Variants in RIMBP2 observed in about 807,000 individuals in gnomAD.
RIMBP2 encodes RIMS binding protein 2.
Under a neutral mutation model 118.6 loss-of-function variants are expected in RIMBP2, and 48 were observed. The ratio of observed to expected loss-of-function variants is 0.40; its 90% CI spans 0.32 to 0.51. The LOEUF (loss-of-function observed/expected upper bound fraction) is 0.51, where lower values mean the gene tolerates loss of function less well. RIMBP2 is among the 20% of genes least tolerant of loss of function. The probability of loss-of-function intolerance (pLI) is 0.41; values close to 1 mark genes in which losing one functional copy is unlikely to be tolerated. For missense variants in RIMBP2, 1,551 were observed against 1,768.3 expected (o/e 0.88, Z 2.20); for synonymous variants, 762 against 742.9 (o/e 1.03, Z -0.42).
At chr12:130,535,718 CATATATATACATATAT>C (rs55668188) in intron 2 of RIMBP2, among the ~76,000 whole-genome samples, 4,606 of 87,656 alleles carry the variant, frequency 0.053, 117 homozygotes, top group East Asian at 0.19. Context: ...TATACATATA[CATATATATACATATAT>C]ATACATATAT....
intron 4 of RIMBP2, among the ~76,000 whole-genome samples, chr12:130,486,218 C>G (rs893438974): frequency 2.0e-5 from 3 of 152,140 alleles, no homozygotes; most frequent in Non-Finnish European, 2.9e-5. Context: ...CACTTTCGTG[C>G]CCTGACTGGA....
chr12:130,563,333 T>C (rs2056962355), intron 2 of RIMBP2, among the ~76,000 whole-genome samples: 1 of 152,214 alleles, frequency 6.6e-6, no homozygotes, highest in African/African-American at 2.4e-5. Flanking sequence ...CAGCTGGAAG[T>C]CCAGTGATTA....
chr12:130,663,363 C>T (rs1208420880), intron 1 of RIMBP2, among the ~76,000 whole-genome samples: 5 of 151,956 alleles, frequency 3.3e-5, no homozygotes, highest in African/African-American at 9.7e-5. Flanking sequence ...GGATTCAAAT[C>T]CACATGTCTG....
chr12:130,563,976 C>T (rs2057016448), intron 2 of RIMBP2, among the ~76,000 whole-genome samples: 1 of 129,456 alleles, frequency 7.7e-6, no homozygotes, highest in African/African-American at 3.2e-5. Flanking sequence ...TCCCCTCGCT[C>T]ACTCCATCTC....
intron 20 of RIMBP2, among the ~76,000 whole-genome samples, chr12:130,407,250 C>A (rs543138214): frequency 6.6e-6 from 1 of 152,350 alleles, no homozygotes; most frequent in East Asian, 1.9e-4. Context: ...CCCCACCTCT[C>A]ATTTCTGAAG....
intron 2 of RIMBP2, among the ~76,000 whole-genome samples, chr12:130,567,830 T>C (rs2140004397): frequency 6.6e-6 from 1 of 152,320 alleles, no homozygotes; most frequent in South Asian, 2.1e-4. Flanking sequence ...CTCTATTACC[T>C]AGCCTGCAGT....
chr12:130,424,834 C>G lies in RIMBP2; in HGVS notation c.2437G>C (p.Glu813Gln), dbSNP rs1593247214. The part of the protein sequence containing the change: ...LKDCTDHRTS[E>Q]GTFWEQPEFP... ...TCGGGCTGCTCCCAGAAAGTGCCTTCCGAGGTCCTATGGTCAGTGCAGTCC... is the reference window on the plus strand; with the variant it reads ...TCGGGCTGCTCCCAGAAAGTGCCTTGCGAGGTCCTATGGTCAGTGCAGTCC... Residue 813 changes from glutamate (E) to glutamine (Q), a missense_variant, in exon 16 of 23, where the codon GAA becomes CAA. Coordinates refer to ENST00000690449, the MANE Select transcript of RIMBP2 (RefSeq NM_001393629.1). This position sits in a 1 kb window ranked among gnomAD's most constrained non-coding sequence, Gnocchi z 9.8. 1.7e-5 allele frequency: 21 copies of G among 1,232,518 alleles called. No individual in the cohort carries two copies. Among genetic ancestry groups the G allele is most frequent in the Non-Finnish European group, 2.1e-5 (21 of 988,392 alleles). 76.3% of individuals were successfully genotyped at this position (1,232,518 alleles called of 1,614,324 possible). A position where few individuals can be genotyped will look rare whatever the true frequency, so the allele number is the denominator to read the frequency against.
chr12:130,532,675 G>A (rs113044468), intron 2 of RIMBP2, among the ~76,000 whole-genome samples: 3 of 129,276 alleles, frequency 2.3e-5, no homozygotes, highest in Admixed American at 8.0e-5. Context: ...TAGGAGGGAC[G>A]TCTAATGAGA....
intron 4 of RIMBP2, among the ~76,000 whole-genome samples, chr12:130,484,750 G>A (rs2082338340): frequency 6.6e-6 from 1 of 152,214 alleles, no homozygotes; most frequent in Non-Finnish European, 1.5e-5. Context: ...GGCAGGGAAG[G>A]TTGGGGGAAA....
At chr12:130,715,506 C>T (rs1259775860) in intron 1 of RIMBP2, among the ~76,000 whole-genome samples, 1 of 152,206 alleles carries the variant, frequency 6.6e-6, no homozygotes, top group African/African-American at 2.4e-5. Context: ...CCCGTACGCG[C>T]TGCCTTTCCC....
chr12:130,491,224 A>T (rs1363995856), intron 4 of RIMBP2, among the ~76,000 whole-genome samples: 1 of 152,180 alleles, frequency 6.6e-6, no homozygotes, highest in Non-Finnish European at 1.5e-5. Context: ...GAAGCAGGTG[A>T]TATTTTTATT....
intron 6 of RIMBP2, among the ~76,000 whole-genome samples, chr12:130,463,795 G>A (rs1245871432): frequency 6.6e-6 from 1 of 151,958 alleles, no homozygotes. Flanking sequence ...GGCATTCTAA[G>A]TCACAGGATG....
chr12:130,468,900 A>G (rs10161002), intron 6 of RIMBP2: 150,975 of 152,266 alleles, frequency 0.99, 74,866 homozygotes, highest in Middle Eastern at 1. Context: ...GGGCCTGCGC[A>G]GCACCTCAGC....
chr12:130,603,827 A>G lies in RIMBP2; in HGVS notation c.-217+24495T>C, dbSNP rs140162766. ...CCAGTCCTAGAAAAGCCTAGCACATATGATCCTGCAAAGTACATCATGCTT... is the reference window on the plus strand; with the variant it reads ...CCAGTCCTAGAAAAGCCTAGCACATGTGATCCTGCAAAGTACATCATGCTT... On this transcript the variant is annotated intron_variant, in intron 2 of 22. Coordinates refer to ENST00000690449, the MANE Select transcript of RIMBP2 (RefSeq NM_001393629.1). Among the ~76,000 whole-genome samples the G allele has an allele frequency of 1.1e-3, 170 of 152,346 alleles. 1 individual carries two copies. Among genetic ancestry groups the G allele is most frequent in the Non-Finnish European group, 3.4e-4 (23 of 68,034 alleles).
intron 2 of RIMBP2, among the ~76,000 whole-genome samples, chr12:130,542,570 T>C (rs1325510041): frequency 6.6e-6 from 1 of 152,216 alleles, no homozygotes; most frequent in African/African-American, 2.4e-5. Context: ...TTCACAGTTT[T>C]GAAGAACTAT....
At chr12:130,586,412 A>G (rs1431801281) in intron 2 of RIMBP2, among the ~76,000 whole-genome samples, 1 of 152,234 alleles carries the variant, frequency 6.6e-6, no homozygotes, top group Non-Finnish European at 1.5e-5. Context: ...AGATAACGCC[A>G]CAGCACTCGA....
Position 130,424,822 on chromosome 12 carries a change from A to G in RIMBP2, c.2449T>C (p.Trp817Arg). 7.3e-6 allele frequency: 9 copies of G among 1,232,746 alleles called. No homozygotes were observed. The highest frequency in any genetic ancestry group is 9.1e-6 in the Non-Finnish European group (9 of 988,452). 76.4% of individuals were successfully genotyped at this position (1,232,746 alleles called of 1,614,324 possible). A position where few individuals can be genotyped will look rare whatever the true frequency, so the allele number is the denominator to read the frequency against. ...TDHRTSEGTF[W>R]EQPEFPHQPH... Reference sequence around the variant, plus strand: ...TGGTGGGGAAACTCGGGCTGCTCCCAGAAAGTGCCTTCCGAGGTCCTATGG... The same window carrying G: ...TGGTGGGGAAACTCGGGCTGCTCCCGGAAAGTGCCTTCCGAGGTCCTATGG... The change falls in exon 16 of 23, where the codon TGG becomes CGG. Residue 817 changes from tryptophan (W) to arginine (R), a missense_variant. By Grantham distance (101) the Trp-to-Arg change is moderately radical. Transcript: ENST00000690449. This position sits in a 1 kb window ranked among gnomAD's most constrained non-coding sequence, Gnocchi z 9.8.
intron 2 of RIMBP2, among the ~76,000 whole-genome samples, chr12:130,606,887 A>G (rs1267861880): frequency 6.6e-6 from 1 of 152,220 alleles, no homozygotes; most frequent in African/African-American, 2.4e-5. Context: ...GCTAGGGTGC[A>G]GTAGCGCGAT....
At chr12:130,439,863 CTG>C (rs1566039302) in intron 11 of RIMBP2, among the ~76,000 whole-genome samples, 1 of 94,000 alleles carries the variant, frequency 1.1e-5, no homozygotes, top group Admixed American at 1.1e-4. Flanking sequence ...GTGGGGGTGT[CTG>C]TGGGTGTGTG....
Sources: allele counts gnomAD v4.1 joint callset (sites outside exome capture counted in the v4.1 genomes callset), GRCh38; gene constraint gnomAD v4.1.1; non-coding constraint Gnocchi (gnomAD v3.1); transcripts MANE v1.5; gene names NCBI Gene and HGNC (gene_info 2026-07-23, HGNC 2026-07-21).